Variants in LGR6 observed in about 807,000 individuals in gnomAD.
LGR6 encodes the protein leucine rich repeat containing G protein-coupled receptor 6.
In LGR6, 45 loss-of-function variants were observed where a neutral mutation model predicts 69.4. The observed-to-expected ratio is 0.65, with a 90% confidence interval of 0.51 to 0.83. The LOEUF (loss-of-function observed/expected upper bound fraction) is 0.83. LGR6 is among the 40% of genes least tolerant of loss of function. The pLI is 0.00. For missense variants in LGR6, 1,108 were observed against 1,246.7 expected (o/e 0.89, Z 1.68); for synonymous variants, 538 against 555.0 (o/e 0.97, Z 0.43).
chr1:202,313,731 A>G (rs1653923019), intron 16 of LGR6, among the ~76,000 whole-genome samples: 1 of 152,216 alleles, frequency 6.6e-6, no homozygotes, highest in African/African-American at 2.4e-5. Context: ...TAATAAATGT[A>G]TGTATGGGGG....
At chr1:202,301,014 AC>A in intron 8 of LGR6, 94 bp downstream of exon 8, 1 of 1,321,174 alleles carries the variant, frequency 7.6e-7, no homozygotes, top group Non-Finnish European at 1.1e-6. Flanking sequence ...CCTAGGAAGC[AC>A]CAGGGAGGCA....
intron 1 of LGR6, among the ~76,000 whole-genome samples, chr1:202,210,312 TG>T (rs1659410450): frequency 6.6e-6 from 1 of 151,596 alleles, no homozygotes; most frequent in Non-Finnish European, 1.5e-5. Flanking sequence ...TCCTCAGTGC[TG>T]GCCCAAGCCC....
At chr1:202,258,631 T>C (rs1663978706) in intron 4 of LGR6, among the ~76,000 whole-genome samples, 1 of 152,160 alleles carries the variant, frequency 6.6e-6, no homozygotes, top group African/African-American at 2.4e-5. Context: ...ATTGTCTCTT[T>C]TATTTATTGT....
intron 3 of LGR6, among the ~76,000 whole-genome samples, chr1:202,233,301 C>T (rs914247079): frequency 1.3e-5 from 2 of 152,086 alleles, no homozygotes; most frequent in Non-Finnish European, 2.9e-5. Context: ...TTGAGGGGCC[C>T]CTTGGAGCTC....
Position 202,306,592 on chromosome 1 carries a change from G to T in LGR6, c.1137-276G>T, listed in dbSNP as rs570287675. On this transcript the variant is annotated intron_variant, in intron 12 of 17. Transcript: ENST00000367278. The stretch of plus-strand genomic sequence containing the variant: ...GATGGGAGGTGTGGGGGCCAGTTTG[G>T]CTGGGCTGGGAGCCAGGCCCAGTGG... Among the ~76,000 whole-genome samples the T allele has an allele frequency of 5.9e-5, 9 of 152,348 alleles. No homozygotes were observed. The East Asian group carries it at 1.7e-3, about 29-fold the overall frequency.
At chr1:202,306,681 C>T in intron 12 of LGR6, 187 bp from the exon 13 acceptor site, 2 of 658,062 alleles carry the variant, frequency 3.0e-6, no homozygotes, top group Non-Finnish European at 5.4e-6. Flanking sequence ...TCTCCTGACC[C>T]ACTTACCCAA....
At chr1:202,259,824 C>A (rs1664074209) in intron 4 of LGR6, among the ~76,000 whole-genome samples, 1 of 152,174 alleles carries the variant, frequency 6.6e-6, no homozygotes, top group African/African-American at 2.4e-5. Flanking sequence ...TGAGTTCCCT[C>A]TCTTTGTCCT....
At chr1:202,275,555 G>A (rs1341769362) in intron 4 of LGR6, among the ~76,000 whole-genome samples, 3 of 152,162 alleles carry the variant, frequency 2.0e-5, no homozygotes, top group Non-Finnish European at 4.4e-5. Flanking sequence ...CTGAGAGGCA[G>A]CTAATCAAGA....
At chr1:202,206,929 ATTTAT>A in intron 1 of LGR6, among the ~76,000 whole-genome samples, 1 of 132,074 alleles carries the variant, frequency 7.6e-6, no homozygotes, top group South Asian at 2.5e-4. Context: ...TTATTTATTT[ATTTAT>A]TGAGACAGAG....
chr1:202,304,144 G>A lies in LGR6; in HGVS notation c.999-415G>A, dbSNP rs117460958. Among the ~76,000 whole-genome samples, 24 of 152,204 alleles carry A rather than the reference G, an allele frequency of 1.6e-4. No homozygotes were observed. In the East Asian group the frequency reaches 4.3e-3, roughly 27 times the overall value. ...CCAAACTCTGTGCCTGTGTCCCATG[G>A]TCCCACTACGGTGTTTTTCTGTCTA... On this transcript the variant is annotated intron_variant, in intron 10 of 17. Transcript: ENST00000367278.
chr1:202,235,343 C>T (rs1171545494), intron 3 of LGR6, among the ~76,000 whole-genome samples: 2 of 152,186 alleles, frequency 1.3e-5, no homozygotes, highest in Admixed American at 1.3e-4. Flanking sequence ...TGGCACAGCA[C>T]TTCTTTGAGG....
chr1:202,242,586 C>G lies in LGR6; in HGVS notation c.428+6593C>G, dbSNP rs554774847. Among the ~76,000 whole-genome samples, 5 of 152,314 alleles carry G rather than the reference C, an allele frequency of 3.3e-5. No individual in the cohort carries two copies. In the East Asian group the frequency reaches 9.6e-4, roughly 29 times the overall value. ...TTGTTTATGCTTACTGGGTGCTTGC[C>G]TTCTCTGGGTCTCAGTTTGCCTTAC... On this transcript the variant is annotated intron_variant, in intron 4 of 17. Coordinates refer to ENST00000367278, the MANE Select transcript of LGR6 (RefSeq NM_001017403.2).
intron 3 of LGR6, among the ~76,000 whole-genome samples, chr1:202,229,486 C>A (rs1429231828): frequency 6.6e-6 from 1 of 152,190 alleles, no homozygotes; most frequent in African/African-American, 2.4e-5. Flanking sequence ...GACCTGCAGC[C>A]CGGATTAGAG....
chr1:202,263,596 G>T (rs751675253), intron 4 of LGR6, among the ~76,000 whole-genome samples: 2 of 152,166 alleles, frequency 1.3e-5, no homozygotes, highest in African/African-American at 4.8e-5. Flanking sequence ...CAGCACGGGG[G>T]TGTGGGTGTG....
chr1:202,244,062 A>G (rs768053328), intron 4 of LGR6, among the ~76,000 whole-genome samples: 21 of 152,166 alleles, frequency 1.4e-4, no homozygotes, highest in East Asian at 9.6e-4. Context: ...GGTTCAAGCA[A>G]TTCTCCTGCC....
rs188772534 is a variant in LGR6 at position 202,256,356 on chromosome 1, G to A, written c.429-19950G>A. ...TCTCCCGGGTTCAAGCGATTCTCCC[G>A]CCTCAGCCTCCCAAGTAGCTGGGAT... On this transcript the variant is annotated intron_variant, in intron 4 of 17. Coordinates refer to ENST00000367278, the MANE Select transcript of LGR6 (RefSeq NM_001017403.2). 3.1e-4 allele frequency among the ~76,000 whole-genome samples: 47 copies of A among 151,946 alleles called. 1 individual carries two copies. Among genetic ancestry groups the A allele is most frequent in the Admixed American group, 2.3e-3 (35 of 15,234 alleles).
At chr1:202,293,494 T>C (rs1426874546) in intron 6 of LGR6, among the ~76,000 whole-genome samples, 1 of 152,164 alleles carries the variant, frequency 6.6e-6, no homozygotes, top group Non-Finnish European at 1.5e-5. Flanking sequence ...TTTGTCTAGA[T>C]AGGAGTGGGT....
chr1:202,297,584 C>A lies in LGR6; in HGVS notation c.785+8C>A. On this transcript the variant is annotated splice_region_variant and intron_variant, in intron 7 of 17. Transcript: ENST00000367278. ...GGGCAGACTGCAGGAACTGTAAGCG[C>A]CTCTTTTGGTTTCTGTGGGTGTCCT... 2 of 1,612,944 alleles carry A rather than the reference C, an allele frequency of 1.2e-6. No individual in the cohort carries two copies. The highest frequency in any genetic ancestry group is 1.7e-6 in the Non-Finnish European group (2 of 1,179,356).
At chr1:202,209,849 A>G (rs989770562) in intron 1 of LGR6, among the ~76,000 whole-genome samples, 3 of 152,144 alleles carry the variant, frequency 2.0e-5, no homozygotes. Flanking sequence ...AAGCTTATTC[A>G]TGGAATAAGT....
Sources: allele counts gnomAD v4.1 joint callset (sites outside exome capture counted in the v4.1 genomes callset), GRCh38; gene constraint gnomAD v4.1.1; transcripts MANE v1.5; gene names NCBI Gene and HGNC (gene_info 2026-07-23, HGNC 2026-07-21).